The following LIX1 variants were observed in gnomAD, a reference collection of about 807,000 sequenced individuals.
The protein encoded by LIX1 is protein limb expression 1 homolog.
In LIX1, 24 loss-of-function variants were observed where a neutral mutation model predicts 33.4. The ratio of observed to expected loss-of-function variants is 0.72; its 90% CI spans 0.52 to 1.01. The LOEUF is 1.01. Among genes scored for constraint, LIX1 ranks in the 50% least tolerant of loss-of-function variants. The probability of loss-of-function intolerance (pLI) is 0.00; values close to 1 mark genes in which losing one functional copy is unlikely to be tolerated. For synonymous variants in LIX1, 124 were observed against 124.0 expected, an observed-to-expected ratio of 1.00 and a Z score of 0.00; for missense variants, 311 against 339.2, an observed-to-expected ratio of 0.92 and a Z score of 0.65.
chr5:97,137,908 C>T (rs191607597), intron 1 of LIX1, among the ~76,000 whole-genome samples: 26 of 152,250 alleles, frequency 1.7e-4, no homozygotes, highest in Admixed American at 9.2e-4. Flanking sequence ...GGATAAAGTA[C>T]TTGACTCCTG....
intron 2 of LIX1, among the ~76,000 whole-genome samples, chr5:97,119,747 T>A (rs944307661): frequency 6.6e-6 from 1 of 152,154 alleles, no homozygotes; most frequent in Non-Finnish European, 1.5e-5. Flanking sequence ...TCTTTTCTTT[T>A]TTTTTTAAGA....
At chr5:97,133,365 G>A (rs1289207029) in intron 1 of LIX1, among the ~76,000 whole-genome samples, 1 of 152,222 alleles carries the variant, frequency 6.6e-6, no homozygotes, top group East Asian at 1.9e-4. Flanking sequence ...CAGGGGTGCT[G>A]TAAGGCTTAA....
At chr5:97,133,093 T>C (rs564148866) in intron 1 of LIX1, among the ~76,000 whole-genome samples, 36 of 152,322 alleles carry the variant, frequency 2.4e-4, no homozygotes, top group African/African-American at 8.4e-4. Context: ...AAGTTTGAGA[T>C]GTAGAGAGTT....
rs961526264 is a variant in LIX1 at position 97,094,928 on chromosome 5, T to C, written c.669A>G (p.Gln223=). Residue 223 remains glutamine (Q), a synonymous_variant, in exon 6 of 6, where the codon CAA becomes CAG. Coordinates refer to ENST00000274382, the MANE Select transcript of LIX1 (RefSeq NM_153234.5). ...KERDSPGIVS[Q]ELRMALRQLE... is the part of the protein sequence containing the mutation. Reference sequence around the variant, plus strand: ...ACTGCCTCAGGGCCATTCGTAGCTCTTGAGAGACAATTCCTGGTGAGTCCC... The same window carrying C: ...ACTGCCTCAGGGCCATTCGTAGCTCCTGAGAGACAATTCCTGGTGAGTCCC... 1 of 1,614,200 alleles carries C rather than the reference T, an allele frequency of 6.2e-7. No individual in the cohort carries two copies. The highest frequency in any genetic ancestry group is 8.5e-7 in the Non-Finnish European group (1 of 1,180,024).
chr5:97,140,250 G>T (rs886454746), intron 1 of LIX1, among the ~76,000 whole-genome samples: 1 of 152,152 alleles, frequency 6.6e-6, no homozygotes, highest in Non-Finnish European at 1.5e-5. Flanking sequence ...TTGTGTGTTT[G>T]TGTGTGTTTA....
chr5:97,114,786 C>T (rs114213060), intron 2 of LIX1, among the ~76,000 whole-genome samples: 387 of 152,266 alleles, frequency 2.5e-3, no homozygotes, highest in African/African-American at 8.9e-3. Flanking sequence ...GGGCCTGAGG[C>T]TTACACAATT....
Position 97,128,838 on chromosome 5 carries a change from T to C in LIX1, c.83-4209A>G, listed in dbSNP as rs187737360. On this transcript the variant is annotated intron_variant, in intron 1 of 5. Transcript: ENST00000274382. ...TTCAGTCTATACTGCCATTACTGCA[T>C]TCGTTCATGCTCACTGTATCTGATC... 1.4e-3 allele frequency among the ~76,000 whole-genome samples: 211 copies of C among 152,272 alleles called. 2 individuals are homozygous for C. Among genetic ancestry groups the C allele is most frequent in the Middle Eastern group, 0.014 (4 of 294 alleles).
At chr5:97,130,069 G>C (rs1202364667) in intron 1 of LIX1, among the ~76,000 whole-genome samples, 1 of 152,204 alleles carries the variant, frequency 6.6e-6, no homozygotes, top group Non-Finnish European at 1.5e-5. Flanking sequence ...TCAATCTTCA[G>C]CCAACTGCTG....
At chr5:97,128,323 C>T (rs1311911441) in intron 1 of LIX1, among the ~76,000 whole-genome samples, 1 of 152,114 alleles carries the variant, frequency 6.6e-6, no homozygotes, top group African/African-American at 2.4e-5. Context: ...CTTCTAGAAA[C>T]CTTGTCTCCC....
intron 1 of LIX1, among the ~76,000 whole-genome samples, chr5:97,129,581 A>C (rs1249539357): frequency 6.6e-6 from 1 of 152,200 alleles, no homozygotes; most frequent in Non-Finnish European, 1.5e-5. Flanking sequence ...TGAAGGTGTA[A>C]TCACACAGCT....
intron 2 of LIX1, among the ~76,000 whole-genome samples, chr5:97,114,920 G>A (rs1456595856): frequency 2.6e-5 from 4 of 152,194 alleles, no homozygotes; most frequent in African/African-American, 9.7e-5. Context: ...GCTAACATCA[G>A]AAATGCTGAT....
chr5:97,127,467 T>C (rs1019885155), intron 1 of LIX1, among the ~76,000 whole-genome samples: 6 of 152,180 alleles, frequency 3.9e-5, no homozygotes, highest in African/African-American at 1.4e-4. Context: ...GTGCAATATA[T>C]ATACATACAG....
chr5:97,103,797 C>G (rs1362226154), intron 4 of LIX1, among the ~76,000 whole-genome samples: 2 of 151,880 alleles, frequency 1.3e-5, no homozygotes, highest in African/African-American at 2.4e-5. Context: ...AATCCCGTCT[C>G]TACTAAAAAT....
intron 1 of LIX1, among the ~76,000 whole-genome samples, chr5:97,138,695 AC>A (rs1748220502): frequency 6.6e-6 from 1 of 152,002 alleles, no homozygotes; most frequent in African/African-American, 2.4e-5. Flanking sequence ...CTTTCTTGTC[AC>A]ACTTCTGTTC....
chr5:97,121,679 A>G (rs56777405), intron 2 of LIX1, among the ~76,000 whole-genome samples: 1,678 of 152,220 alleles, frequency 0.011, 25 homozygotes, highest in African/African-American at 0.038. Flanking sequence ...TATTAACTTA[A>G]TACTCTTTTA....
intron 2 of LIX1, among the ~76,000 whole-genome samples, chr5:97,119,070 G>A (rs149264069): frequency 2.7e-3 from 413 of 152,288 alleles, no homozygotes; most frequent in African/African-American, 9.4e-3. Context: ...AAGAATGAAT[G>A]AGCATAATCT....
At chr5:97,096,154 A>G (rs1746365578) in intron 5 of LIX1, among the ~76,000 whole-genome samples, 1 of 152,196 alleles carries the variant, frequency 6.6e-6, no homozygotes, top group South Asian at 2.1e-4. Context: ...TAGAGGAAGG[A>G]TAAATCTTGG....
chr5:97,108,344 G>C (rs1005650335), intron 2 of LIX1, among the ~76,000 whole-genome samples: 5 of 152,128 alleles, frequency 3.3e-5, no homozygotes, highest in African/African-American at 1.2e-4. Context: ...CCTATGATTA[G>C]TGACTCATAA....
intron 1 of LIX1, among the ~76,000 whole-genome samples, chr5:97,125,127 A>G (rs956266495): frequency 6.6e-6 from 1 of 152,078 alleles, no homozygotes; most frequent in African/African-American, 2.4e-5. Context: ...TGCTCCTTCC[A>G]CCCCAGTCTA....
Sources: gnomAD v4.1 joint callset for allele counts (sites outside exome capture counted in the v4.1 genomes callset) on GRCh38, gnomAD v4.1.1 for gene constraint, MANE v1.5 for transcripts, NCBI Gene and HGNC (gene_info 2026-07-23, HGNC 2026-07-21) for gene names.